The following PHLDB1 variants were observed in gnomAD, a reference collection of about 807,000 sequenced individuals.
The protein encoded by PHLDB1 is pleckstrin homology like domain family B member 1.
PHLDB1 carries 65 observed loss-of-function variants against 139.3 expected under a neutral mutation model. The observed-to-expected ratio is 0.47, with a 90% CI of 0.38 to 0.57. The LOEUF (loss-of-function observed/expected upper bound fraction) is 0.57. Ranked by LOEUF, PHLDB1 falls within the 20% of genes least tolerant of loss-of-function variation. The probability of loss-of-function intolerance (pLI) is 0.00; values close to 1 mark genes in which losing one functional copy is unlikely to be tolerated. For missense variants in PHLDB1, 1,624 were observed against 1,839.7 expected (o/e 0.88, Z 2.14); for synonymous variants, 679 against 734.5 (o/e 0.92, Z 1.22).
chr11:118,644,545 G>C (rs530843898), intron 15 of PHLDB1: 4 of 658,000 alleles, frequency 6.1e-6, no homozygotes, highest in Non-Finnish European at 8.9e-6. Context: ...CTTGTTGCTT[G>C]TGTGCAATTT....
At chr11:118,636,592 A>G (rs1357591038) in intron 10 of PHLDB1, 1 of 152,194 alleles carries the variant, frequency 6.6e-6, no homozygotes, top group Non-Finnish European at 1.5e-5. Context: ...CGGTATCACA[A>G]GACAAGTGCT....
At position 118,641,466 on chromosome 11, in the gene PHLDB1, T is replaced by G. The variant is rs572542099; in HGVS notation, c.2737-788T>G. The G allele has an allele frequency of 2.9e-5, 9 of 314,546 alleles. No individual in the cohort carries two copies. In the East Asian group the frequency reaches 1.1e-3, roughly 37 times the overall value. The allele number at this position is 314,546 out of a possible 1,614,324, so 19.5% of individuals were successfully genotyped here. The stretch of plus-strand genomic sequence containing the variant: ...CACGCCTTCTGCTCTAGGATGAGGG[T>G]GTCGAGTTGAGAGGACTCTGGCTTT... On this transcript the variant is annotated intron_variant, in intron 12 of 22. Transcript: ENST00000600882.
intron 1 of PHLDB1, chr11:118,613,599 G>C: frequency 1.6e-6 from 1 of 632,038 alleles, no homozygotes. Context: ...CAGGGGGCAG[G>C]ACTGGTATCC....
intron 13 of PHLDB1, among the ~76,000 whole-genome samples, chr11:118,643,043 C>G (rs1196493981): frequency 1.3e-5 from 2 of 152,206 alleles, no homozygotes; most frequent in Admixed American, 6.5e-5. Context: ...TAAGATCACC[C>G]CTTGAGTGAA....
At chr11:118,631,031 A>G (rs1944716252) in intron 6 of PHLDB1, among the ~76,000 whole-genome samples, 176 bp from the exon 7 acceptor site, 1 of 148,626 alleles carries the variant, frequency 6.7e-6, no homozygotes, top group Admixed American at 6.7e-5. Flanking sequence ...CTTCTGGGGC[A>G]CCTTGTTTCC....
intron 1 of PHLDB1, among the ~76,000 whole-genome samples, chr11:118,612,774 A>G (rs1010380172): frequency 6.6e-6 from 1 of 152,210 alleles, no homozygotes; most frequent in African/African-American, 2.4e-5. Context: ...CCCCTGGTAG[A>G]TGGCTTGAAG....
chr11:118,630,063 A>G, intron 6 of PHLDB1: 1 of 1,283,838 alleles, frequency 7.8e-7, no homozygotes, highest in South Asian at 1.2e-5. Flanking sequence ...GAACTGGGCA[A>G]GCAACAGGAG....
At chr11:118,655,379 T>C (rs1948899201) in intron 20 of PHLDB1, 3 of 439,716 alleles carry the variant, frequency 6.8e-6, no homozygotes, top group Non-Finnish European at 8.2e-6. Context: ...AGGTGAGAAG[T>C]GGTATCTCAG....
chr11:118,631,996 G>C lies in PHLDB1; in HGVS notation c.2184G>C (p.Glu728Asp), dbSNP rs781934572. Residue 728 changes from glutamate (E) to aspartate (D), a missense_variant, in exon 8 of 23, where the codon GAG becomes GAC. Glu to Asp is a conservative substitution (Grantham distance 45). Transcript: ENST00000600882. ...EERAQVLGHV[E>D]QLKVRVKELE... ...GGGCTCAGGTGCTGGGGCACGTGGA[G>C]CAGCTCAAGGTCCGTGTGAAGGAGC... The C allele has an allele frequency of 6.2e-7, 1 of 1,614,154 alleles. No homozygotes were observed. Among genetic ancestry groups the C allele is most frequent in the Admixed American group, 1.7e-5 (1 of 60,032 alleles).
intron 1 of PHLDB1, chr11:118,613,472 T>TAAGGCTCCACAGGGCC (rs1940916817): frequency 4.0e-6 from 4 of 1,006,758 alleles, no homozygotes; most frequent in Non-Finnish European, 2.4e-6. Flanking sequence ...CCACCCTGCT[T>TAAGGCTCCACAGGGCC]AAGGCTCCAC....
At chr11:118,629,477 T>C (rs570952) in intron 6 of PHLDB1, among the ~76,000 whole-genome samples, 47,794 of 151,954 alleles carry the variant, frequency 0.31, 7,807 homozygotes, top group Admixed American at 0.43. Flanking sequence ...TACAGAAGAA[T>C]GGATTCTGCC....
chr11:118,616,703 A>T (rs1941716316), intron 4 of PHLDB1, among the ~76,000 whole-genome samples: 1 of 152,212 alleles, frequency 6.6e-6, no homozygotes, highest in African/African-American at 2.4e-5. Context: ...TGGGTCACGA[A>T]TATAACCCAA....
chr11:118,648,268 GTTGTGTGT>G (rs1947837060), intron 18 of PHLDB1, among the ~76,000 whole-genome samples, 192 bp downstream of exon 18: 1 of 129,848 alleles, frequency 7.7e-6, no homozygotes, highest in Non-Finnish European at 1.6e-5. Context: ...GACTATTCAA[GTTGTGTGT>G]GTGTGTGTGT....
intron 22 of PHLDB1, among the ~76,000 whole-genome samples, chr11:118,656,480 C>T (rs1555141945): frequency 6.6e-6 from 1 of 152,158 alleles, no homozygotes; most frequent in Non-Finnish European, 1.5e-5. Flanking sequence ...GTTTAGAGAG[C>T]CCAGGACTGC....
At position 118,627,382 on chromosome 11, in the gene PHLDB1, A is replaced by G; in HGVS notation, c.559A>G (p.Ser187Gly). 1.2e-6 allele frequency: 2 copies of G among 1,614,114 alleles called. No homozygotes were observed. Among genetic ancestry groups the G allele is most frequent in the Non-Finnish European group, 1.7e-6 (2 of 1,179,960 alleles). The part of the protein sequence containing the change: ...TRGPSACASH[S>G]SLVSSIEKDL... The stretch of plus-strand genomic sequence containing the variant: ...GGGACCCTCTGCCTGTGCCAGCCAC[A>G]GTTCCCTGGTGAGCTCTATTGAGAA... The change falls in exon 6 of 23, where the codon AGT becomes GGT. Residue 187 changes from serine to glycine, a missense_variant. Transcript: ENST00000600882.
intron 4 of PHLDB1, among the ~76,000 whole-genome samples, chr11:118,616,478 A>C (rs548820513): frequency 6.6e-6 from 1 of 152,174 alleles, no homozygotes; most frequent in East Asian, 1.9e-4. Flanking sequence ...GATTCCCGCC[A>C]TCAGAGGGCC....
Position 118,650,889 on chromosome 11 carries a change from TAGG to T in PHLDB1, c.3874+345_3874+347del, listed in dbSNP as rs1555136159. On this transcript the variant is annotated intron_variant, in intron 20 of 22. Transcript: ENST00000600882. This position sits in a 1 kb window ranked among gnomAD's most constrained non-coding sequence, Gnocchi z 4.7. ...TAACCACGCACAATGGGTATGCTGA[TAGG>T]AGACATCCAGGCACTGCAGGAGCAT... The T allele has an allele frequency of 3.2e-6, 1 of 312,080 alleles. No homozygotes were observed. 19.3% of individuals were successfully genotyped at this position (312,080 alleles called of 1,614,324 possible). A position where few individuals can be genotyped will look rare whatever the true frequency, so the allele number is the denominator to read the frequency against.
chr11:118,642,851 G>A (rs1045262648), intron 13 of PHLDB1, among the ~76,000 whole-genome samples: 1 of 152,244 alleles, frequency 6.6e-6, no homozygotes, highest in Admixed American at 6.5e-5. Context: ...ACACTTGGAA[G>A]CAGAAAACAA....
rs1477730282 is a variant in PHLDB1, at chr11:118,632,817, A to G, written c.2379+521A>G. The G allele has an allele frequency of 8.1e-6, 8 of 984,812 alleles. No homozygotes were observed. Among genetic ancestry groups the G allele is most frequent in the Middle Eastern group, 5.2e-4 (1 of 1,928 alleles). 61.0% of individuals were successfully genotyped at this position (984,812 alleles called of 1,614,324 possible). A position where few individuals can be genotyped will look rare whatever the true frequency, so the allele number is the denominator to read the frequency against. On this transcript the variant is annotated intron_variant, in intron 9 of 22. Transcript: ENST00000600882. The surrounding 1 kb of genome is among the most constrained non-coding windows in gnomAD (Gnocchi z 5.9). ...CCCTGCCCCTTTCAGATTTCGTGCC[A>G]GCCTGCAGGGGCCACTCCCAGATGC...
Sources: gnomAD v4.1 joint callset for allele counts (sites outside exome capture counted in the v4.1 genomes callset) on GRCh38, gnomAD v4.1.1 for gene constraint, Gnocchi (gnomAD v3.1) non-coding constraint, MANE v1.5 for transcripts, NCBI Gene and HGNC (gene_info 2026-07-23, HGNC 2026-07-21) for gene names.